Variants in RGS7 observed in about 807,000 individuals in gnomAD.
RGS7 encodes regulator of G protein signaling 7, also known as regulator of G-protein signaling 7.
In RGS7, 27 loss-of-function variants were observed where a neutral mutation model predicts 81.1. That is an observed-to-expected ratio of 0.33 (90% confidence interval 0.25 to 0.46). The LOEUF is 0.46. Ranked by LOEUF, RGS7 falls within the 20% of genes least tolerant of loss-of-function variation. The probability of loss-of-function intolerance (pLI) is 1.00; values close to 1 mark genes in which losing one functional copy is unlikely to be tolerated. For synonymous variants in RGS7, 208 were observed against 207.7 expected (o/e 1.00, Z -0.01); for missense variants, 396 against 607.4 (o/e 0.65, Z 3.66).
At chr1:241,300,401 A>C (rs1233468725) in intron 2 of RGS7, among the ~76,000 whole-genome samples, 1 of 152,140 alleles carries the variant, frequency 6.6e-6, no homozygotes, top group Non-Finnish European at 1.5e-5. Context: ...CAAAAATCAA[A>C]TCCTGTGTTC....
chr1:241,184,339 T>G (rs1324636083), intron 2 of RGS7, among the ~76,000 whole-genome samples: 1 of 152,204 alleles, frequency 6.6e-6, no homozygotes, highest in East Asian at 1.9e-4. Flanking sequence ...CATCTATTCA[T>G]CATTTAAAAA....
chr1:241,251,417 C>T (rs1482274395), intron 2 of RGS7, among the ~76,000 whole-genome samples: 1 of 152,162 alleles, frequency 6.6e-6, no homozygotes, highest in Non-Finnish European at 1.5e-5. Context: ...AGAAGGAAAG[C>T]AGTGTGAGAG....
At chr1:240,997,113 T>G (rs1230872684) in intron 3 of RGS7, among the ~76,000 whole-genome samples, 1 of 152,024 alleles carries the variant, frequency 6.6e-6, no homozygotes, top group Non-Finnish European at 1.5e-5. Context: ...TGCCCGACTA[T>G]GTTTTTATTA....
chr1:241,099,559 T>C (rs2064562904), intron 2 of RGS7, among the ~76,000 whole-genome samples: 2 of 152,226 alleles, frequency 1.3e-5, no homozygotes, highest in Admixed American at 1.3e-4. Flanking sequence ...TACAAATTGC[T>C]GGTAATTCTA....
At chr1:241,345,713 G>T (rs1277607746) in intron 2 of RGS7, among the ~76,000 whole-genome samples, 1 of 152,098 alleles carries the variant, frequency 6.6e-6, no homozygotes, top group African/African-American at 2.4e-5. Context: ...AATCAAAGAA[G>T]CAACAAATCA....
chr1:241,066,909 A>G (rs2062095566), intron 3 of RGS7, among the ~76,000 whole-genome samples: 1 of 152,208 alleles, frequency 6.6e-6, no homozygotes, highest in Non-Finnish European at 1.5e-5. Context: ...GAAACAAATA[A>G]TTAACTTATA....
intron 4 of RGS7, among the ~76,000 whole-genome samples, chr1:240,965,644 G>A (rs1249784058): frequency 2.0e-5 from 3 of 152,128 alleles, no homozygotes; most frequent in African/African-American, 2.4e-5. Flanking sequence ...TCAGCTGCCA[G>A]ACACTTCACA....
At chr1:240,816,294 G>A (rs1690786152) in intron 11 of RGS7, 23 bp downstream of exon 11, 9 of 1,460,556 alleles carry the variant, frequency 6.2e-6, no homozygotes, top group Non-Finnish European at 7.7e-6. Flanking sequence ...ACCTTTAACA[G>A]GTCATCTCAT....
At chr1:241,247,701 T>TAAAAA (rs538409802) in intron 2 of RGS7, among the ~76,000 whole-genome samples, 4 of 144,630 alleles carry the variant, frequency 2.8e-5, no homozygotes, top group African/African-American at 1.0e-4. Context: ...TTTTCTCAAC[T>TAAAAA]AAAAAAAAAA....
Position 240,853,900 on chromosome 1 carries a change from CAA to C in RGS7, c.609+14685_609+14686del, listed in dbSNP as rs35471716. ...TGGGCGACAGAGCAAGACTCCGTCT[CAA>C]AAAAAAAAAAAAAAAAAAAAAAAAA... On this transcript the variant is annotated intron_variant, in intron 9 of 18. Coordinates refer to ENST00000440928, the MANE Select transcript of RGS7 (RefSeq NM_001364886.1). Among the ~76,000 whole-genome samples the C allele has an allele frequency of 1.6e-3, 36 of 22,238 alleles. No individual in the cohort carries two copies. In the East Asian group the frequency reaches 0.021, roughly 13 times the overall value. 14.6% of individuals were successfully genotyped at this position (22,238 alleles called of 152,430 possible).
At chr1:240,783,630 A>T (rs1170535563) in intron 18 of RGS7, among the ~76,000 whole-genome samples, 1 of 151,674 alleles carries the variant, frequency 6.6e-6, no homozygotes, top group African/African-American at 2.4e-5. Flanking sequence ...CTCAAAAAAA[A>T]TAAAAAATAA....
intron 2 of RGS7, among the ~76,000 whole-genome samples, chr1:241,317,876 G>T (rs2148590787): frequency 6.6e-6 from 1 of 152,258 alleles, no homozygotes; most frequent in South Asian, 2.1e-4. Flanking sequence ...CAAAGCAGAA[G>T]ATAACATTTG....
chr1:241,261,782 T>C (rs2077350412), intron 2 of RGS7, among the ~76,000 whole-genome samples: 1 of 151,944 alleles, frequency 6.6e-6, no homozygotes, highest in African/African-American at 2.4e-5. Flanking sequence ...AAAACCCATA[T>C]ATATTCATCT....
intron 2 of RGS7, among the ~76,000 whole-genome samples, chr1:241,259,023 C>T (rs184618810): frequency 3.9e-5 from 6 of 152,214 alleles, no homozygotes; most frequent in Non-Finnish European, 8.8e-5. Flanking sequence ...TACAGGTATG[C>T]GCCCCAGTTC....
intron 2 of RGS7, among the ~76,000 whole-genome samples, chr1:241,266,595 G>A (rs2077606437): frequency 6.6e-6 from 1 of 152,006 alleles, no homozygotes; most frequent in Admixed American, 6.5e-5. Context: ...TTCCATTTGG[G>A]GCCAGGCCTA....
intron 2 of RGS7, among the ~76,000 whole-genome samples, chr1:241,189,959 C>T (rs945771872): frequency 1.1e-4 from 16 of 152,108 alleles, no homozygotes; most frequent in South Asian, 8.3e-4. Context: ...AAAATTTAGC[C>T]GGGCGCGGTG....
At chr1:240,821,265 C>A (rs1691748237) in intron 10 of RGS7, among the ~76,000 whole-genome samples, 1 of 152,144 alleles carries the variant, frequency 6.6e-6, no homozygotes, top group Admixed American at 6.5e-5. Context: ...CCAGTCTAGG[C>A]AACATGGTGA....
chr1:240,811,604 C>T (rs1689868551), intron 14 of RGS7, among the ~76,000 whole-genome samples: 2 of 152,210 alleles, frequency 1.3e-5, no homozygotes, highest in Admixed American at 1.3e-4. Flanking sequence ...ATGTTATTGG[C>T]CAATCTCCAC....
chr1:240,974,050 C>T (rs1270712974), intron 4 of RGS7, among the ~76,000 whole-genome samples: 1 of 152,108 alleles, frequency 6.6e-6, no homozygotes, highest in Non-Finnish European at 1.5e-5. Context: ...TTGTGGCAGG[C>T]TTGGGAGGCA....
Sources: allele counts gnomAD v4.1 joint callset (sites outside exome capture counted in the v4.1 genomes callset), GRCh38; gene constraint gnomAD v4.1.1; transcripts MANE v1.5; gene names NCBI Gene and HGNC (gene_info 2026-07-23, HGNC 2026-07-21).